Variants in AKT3 observed in about 807,000 individuals in gnomAD.
The protein encoded by AKT3 is AKT serine/threonine kinase 3.
A neutral mutation model predicts 65.3 loss-of-function variants in AKT3; 15 were observed. That is an observed-to-expected ratio of 0.23 (90% CI 0.15 to 0.35). The LOEUF is 0.35. Among genes scored for constraint, AKT3 ranks in the 10% least tolerant of loss-of-function variants. The probability of loss-of-function intolerance (pLI) is 1.00; values close to 1 mark genes in which losing one functional copy is unlikely to be tolerated. For missense variants in AKT3, 243 were observed against 576.5 expected (o/e 0.42, Z 5.92); for synonymous variants, 206 against 183.8 (o/e 1.12, Z -0.98).
chr1:243,831,220 T>C (rs1694487514), intron 2 of AKT3, among the ~76,000 whole-genome samples: 1 of 152,218 alleles, frequency 6.6e-6, no homozygotes, highest in Non-Finnish European at 1.5e-5. Context: ...GAAGGAAAAT[T>C]ACAAACTGTA....
intron 8 of AKT3, among the ~76,000 whole-genome samples, chr1:243,604,757 C>T (rs1005799140): frequency 6.6e-6 from 1 of 152,126 alleles, no homozygotes; most frequent in African/African-American, 2.4e-5. Context: ...TCATCTATCT[C>T]CCCAGTAAGT....
At chr1:243,539,157 G>A (rs954784454) in intron 12 of AKT3, among the ~76,000 whole-genome samples, 3 of 152,124 alleles carry the variant, frequency 2.0e-5, no homozygotes, top group East Asian at 3.9e-4. Flanking sequence ...ATGGGCCCAC[G>A]TACACCCGGA....
At chr1:243,635,493 C>T (rs1679908650) in intron 6 of AKT3, among the ~76,000 whole-genome samples, 1 of 151,670 alleles carries the variant, frequency 6.6e-6, no homozygotes, top group African/African-American at 2.4e-5. Context: ...AAAAGATTAA[C>T]AAAATTGATA....
chr1:243,670,739 CTTATA>C (rs1411489388), intron 3 of AKT3, among the ~76,000 whole-genome samples: 3 of 152,076 alleles, frequency 2.0e-5, no homozygotes, highest in Admixed American at 6.5e-5. Context: ...TACACTGTTA[CTTATA>C]TTAGATAGTT....
At chr1:243,575,850 G>A (rs1159703020) in intron 8 of AKT3, among the ~76,000 whole-genome samples, 1 of 151,918 alleles carries the variant, frequency 6.6e-6, no homozygotes, top group Non-Finnish European at 1.5e-5. Flanking sequence ...TAAAAATTTA[G>A]AAAGCATTAA....
intron 2 of AKT3, among the ~76,000 whole-genome samples, chr1:243,803,485 G>T (rs897614723): frequency 7.2e-5 from 11 of 152,116 alleles, no homozygotes; most frequent in Non-Finnish European, 1.5e-4. Flanking sequence ...TTATAAAAAA[G>T]AAAAGGCTTC....
intron 2 of AKT3, among the ~76,000 whole-genome samples, chr1:243,841,219 T>C (rs1490774889): frequency 1.3e-5 from 2 of 152,110 alleles, no homozygotes; most frequent in Non-Finnish European, 2.9e-5. Flanking sequence ...TACTTTCTAT[T>C]ATGGTATTTC....
intron 3 of AKT3, among the ~76,000 whole-genome samples, chr1:243,687,059 T>A (rs1158407058): frequency 6.6e-6 from 1 of 152,106 alleles, no homozygotes; most frequent in Non-Finnish European, 1.5e-5. Flanking sequence ...AGAGAAGTTA[T>A]GTGATTTGCC....
chr1:243,687,669 T>C (rs1410718132), intron 3 of AKT3: 1 of 152,124 alleles, frequency 6.6e-6, no homozygotes, highest in Non-Finnish European at 1.5e-5. Context: ...TAGGAAAGAA[T>C]GAACGTTTTG....
chr1:243,663,809 T>C (rs183552181), intron 4 of AKT3, among the ~76,000 whole-genome samples: 1 of 152,302 alleles, frequency 6.6e-6, no homozygotes, highest in Admixed American at 6.5e-5. Context: ...ATGTGCAGGA[T>C]GGTGGTTTTG....
intron 8 of AKT3, among the ~76,000 whole-genome samples, chr1:243,603,611 G>A (rs1021027036): frequency 3.9e-5 from 6 of 151,952 alleles, no homozygotes; most frequent in African/African-American, 1.2e-4. Context: ...TCACTTCCTG[G>A]GTTTTAACAC....
At chr1:243,814,109 T>C (rs1175595043) in intron 2 of AKT3, among the ~76,000 whole-genome samples, 1 of 152,186 alleles carries the variant, frequency 6.6e-6, no homozygotes, top group Non-Finnish European at 1.5e-5. Flanking sequence ...AATTTTTAAA[T>C]ATATGTAAAG....
At chr1:243,637,921 A>G (rs1680093852) in intron 5 of AKT3, among the ~76,000 whole-genome samples, 179 bp from the exon 6 acceptor site, 1 of 152,168 alleles carries the variant, frequency 6.6e-6, no homozygotes, top group East Asian at 1.9e-4. Context: ...GGATGCTGAA[A>G]ATAATTTAAG....
chr1:243,534,905 C>A (rs993664803), intron 12 of AKT3, among the ~76,000 whole-genome samples: 1 of 151,774 alleles, frequency 6.6e-6, no homozygotes, highest in Non-Finnish European at 1.5e-5. Flanking sequence ...ATAATCTAAG[C>A]TTTCAGGTTA....
At chr1:243,784,965 T>C (rs574339153) in intron 2 of AKT3, among the ~76,000 whole-genome samples, 1 of 152,216 alleles carries the variant, frequency 6.6e-6, no homozygotes, top group Non-Finnish European at 1.5e-5. Flanking sequence ...AGTCTCACGA[T>C]ATTGCCCAGG....
chr1:243,565,478 GC>G (rs1423192995), intron 9 of AKT3, among the ~76,000 whole-genome samples: 1 of 152,126 alleles, frequency 6.6e-6, no homozygotes, highest in Non-Finnish European at 1.5e-5. Context: ...ACCCACCTCA[GC>G]CTCTCAAAGT....
chr1:243,520,237 C>A (rs1670635618), intron 12 of AKT3, among the ~76,000 whole-genome samples: 1 of 152,130 alleles, frequency 6.6e-6, no homozygotes, highest in African/African-American at 2.4e-5. Flanking sequence ...AATTTGGACA[C>A]CCAAGTAGAC....
At chr1:243,816,684 C>A (rs1693544303) in intron 2 of AKT3, among the ~76,000 whole-genome samples, 1 of 151,930 alleles carries the variant, frequency 6.6e-6, no homozygotes, top group Non-Finnish European at 1.5e-5. Context: ...GAAATAGTTT[C>A]TATCAAGAGA....
chr1:243,749,612 C>G (rs1295149349), intron 2 of AKT3, among the ~76,000 whole-genome samples: 1 of 152,158 alleles, frequency 6.6e-6, no homozygotes. Context: ...TTGATTATGT[C>G]AAATGATGAA....
Sources: gnomAD v4.1 joint callset for allele counts (sites outside exome capture counted in the v4.1 genomes callset) on GRCh38, gnomAD v4.1.1 for gene constraint, MANE v1.5 for transcripts, NCBI Gene and HGNC (gene_info 2026-07-23, HGNC 2026-07-21) for gene names.